CDH12: variants seen among roughly 807,000 people sequenced by gnomAD.
CDH12 encodes the protein cadherin 12.
A neutral mutation model predicts 74.1 loss-of-function variants in CDH12; 41 were observed. That is an observed-to-expected ratio of 0.55 (90% confidence interval 0.43 to 0.72). The LOEUF (loss-of-function observed/expected upper bound fraction) is 0.72. CDH12 is among the 30% of genes least tolerant of loss of function. The pLI is 0.00. For synonymous variants in CDH12, 399 were observed against 355.0 expected (o/e 1.12, Z -1.39); for missense variants, 945 against 977.2 (o/e 0.97, Z 0.44).
intron 3 of CDH12, among the ~76,000 whole-genome samples, chr5:22,395,662 T>A (rs1418530262): frequency 6.6e-6 from 1 of 152,126 alleles, no homozygotes; most frequent in Non-Finnish European, 1.5e-5. Flanking sequence ...AGCAGAAATG[T>A]CATGTAGGCA....
chr5:22,009,464 C>G (rs961430130), intron 5 of CDH12, among the ~76,000 whole-genome samples: 15 of 152,084 alleles, frequency 9.9e-5, no homozygotes, highest in Admixed American at 8.5e-4. Context: ...GAAATTTCCC[C>G]CCAAATTTCT....
chr5:21,764,915 TATAAC>T, intron 12 of CDH12, 58 bp downstream of exon 12: 1 of 1,520,404 alleles, frequency 6.6e-7, no homozygotes, highest in Non-Finnish European at 9.1e-7. Context: ...TGTCTGGACT[TATAAC>T]TTAAAACATG....
At chr5:22,065,243 GTGA>G (rs1405186583) in intron 5 of CDH12, among the ~76,000 whole-genome samples, 1 of 152,122 alleles carries the variant, frequency 6.6e-6, no homozygotes, top group Admixed American at 6.5e-5. Context: ...GACCCATGAG[GTGA>G]TGCATTAAAT....
At chr5:22,046,326 G>A (rs1739948189) in intron 5 of CDH12, among the ~76,000 whole-genome samples, 1 of 151,788 alleles carries the variant, frequency 6.6e-6, no homozygotes, top group East Asian at 1.9e-4. Flanking sequence ...TTCTGACAAA[G>A]TAGAAAGAGG....
intron 1 of CDH12, among the ~76,000 whole-genome samples, chr5:22,521,958 G>T (rs911567905): frequency 2.0e-5 from 3 of 152,112 alleles, no homozygotes; most frequent in Non-Finnish European, 4.4e-5. Flanking sequence ...TTGTTGAAAA[G>T]AACTTAATAT....
chr5:22,136,697 T>A (rs1746482763), intron 4 of CDH12, among the ~76,000 whole-genome samples: 1 of 150,684 alleles, frequency 6.6e-6, no homozygotes. Flanking sequence ...ACCACTGTGG[T>A]GTCATATTAT....
chr5:22,205,162 T>C (rs1751152394), intron 4 of CDH12, among the ~76,000 whole-genome samples: 1 of 152,188 alleles, frequency 6.6e-6, no homozygotes, highest in African/African-American at 2.4e-5. Context: ...GCAAAAGCAA[T>C]TGCCTCAATT....
intron 6 of CDH12, among the ~76,000 whole-genome samples, chr5:21,930,883 A>G (rs1306135372): frequency 2.0e-5 from 3 of 152,178 alleles, no homozygotes; most frequent in Non-Finnish European, 4.4e-5. Context: ...AATACCTCAA[A>G]TGAGCTGTAT....
intron 4 of CDH12, among the ~76,000 whole-genome samples, chr5:22,116,064 A>G (rs971691817): frequency 2.6e-5 from 4 of 152,202 alleles, no homozygotes; most frequent in African/African-American, 9.7e-5. Context: ...GATTTTGCAG[A>G]TGTAATTAAA....
intron 3 of CDH12, among the ~76,000 whole-genome samples, chr5:22,302,398 G>A (rs1282381132): frequency 6.6e-6 from 1 of 152,102 alleles, no homozygotes; most frequent in Admixed American, 6.6e-5. Context: ...ATTATTCCAG[G>A]AGGCTTATTT....
chr5:22,528,863 G>C (rs543439932), intron 1 of CDH12, among the ~76,000 whole-genome samples: 3 of 151,916 alleles, frequency 2.0e-5, no homozygotes, highest in South Asian at 2.1e-4. Context: ...AGAATTATTA[G>C]CATCTTTAAA....
intron 6 of CDH12, among the ~76,000 whole-genome samples, chr5:21,876,628 A>G (rs1751953071): frequency 6.6e-6 from 1 of 152,182 alleles, no homozygotes; most frequent in Non-Finnish European, 1.5e-5. Context: ...TTTCTCACCT[A>G]GGTTATAGTG....
intron 4 of CDH12, among the ~76,000 whole-genome samples, chr5:22,102,742 G>T (rs111859244): frequency 0.014 from 2,085 of 152,106 alleles, 55 homozygotes; most frequent in African/African-American, 0.048. Flanking sequence ...ACAGTGTTGG[G>T]GGGAGGGGCC....
chr5:22,584,194 T>C (rs1413761353), intron 1 of CDH12, among the ~76,000 whole-genome samples: 2 of 151,916 alleles, frequency 1.3e-5, no homozygotes, highest in African/African-American at 4.8e-5. Context: ...CCACCTCCTG[T>C]GTTCAAGGGA....
chr5:22,704,601 A>G (rs1742888792), intron 1 of CDH12, among the ~76,000 whole-genome samples: 1 of 152,244 alleles, frequency 6.6e-6, no homozygotes, highest in South Asian at 2.1e-4. Context: ...CTGTTGAAAT[A>G]TTTACAAGAA....
At chr5:22,761,900 T>G (rs1561012815) in intron 1 of CDH12, among the ~76,000 whole-genome samples, 1 of 151,710 alleles carries the variant, frequency 6.6e-6, no homozygotes, top group South Asian at 2.1e-4. Flanking sequence ...TACTTTAATC[T>G]TCTACAAAAT....
At chr5:22,384,544 A>AAAAAG in intron 3 of CDH12, among the ~76,000 whole-genome samples, 1 of 150,300 alleles carries the variant, frequency 6.7e-6, no homozygotes. Flanking sequence ...AAAAAAAGAA[A>AAAAAG]AAGAAAAAGA....
chr5:22,837,109 T>C (rs894269945), intron 1 of CDH12, among the ~76,000 whole-genome samples: 1 of 152,084 alleles, frequency 6.6e-6, no homozygotes, highest in Non-Finnish European at 1.5e-5. Context: ...TCTTGGGACA[T>C]CAAATTCACT....
chr5:22,040,665 T>G (rs911395994), intron 5 of CDH12, among the ~76,000 whole-genome samples: 3 of 152,168 alleles, frequency 2.0e-5, no homozygotes, highest in Non-Finnish European at 4.4e-5. Context: ...TTTAAAGTGC[T>G]GAAAGATAAA....
Sources: gnomAD v4.1 joint callset for allele counts (sites outside exome capture counted in the v4.1 genomes callset) on GRCh38, gnomAD v4.1.1 for gene constraint, MANE v1.5 for transcripts, NCBI Gene and HGNC (gene_info 2026-07-23, HGNC 2026-07-21) for gene names.